The following ADGB variants were observed in gnomAD, a reference collection of about 807,000 sequenced individuals.
The protein encoded by ADGB is androglobin.
ADGB carries 172 observed loss-of-function variants against 210.5 expected under a neutral mutation model. The ratio of observed to expected loss-of-function variants is 0.82; its 90% CI spans 0.72 to 0.93. ADGB has a LOEUF of 0.93. Ranked by LOEUF, ADGB falls within the 40% of genes least tolerant of loss-of-function variation. The pLI is 0.00. For missense variants in ADGB, 2,025 were observed against 1,964.8 expected (o/e 1.03, Z -0.58); for synonymous variants, 658 against 662.7 (o/e 0.99, Z 0.11).
chr6:146,813,702 A>G (rs1778336970), intron 35 of ADGB, among the ~76,000 whole-genome samples: 1 of 152,326 alleles, frequency 6.6e-6, no homozygotes, highest in East Asian at 1.9e-4. Flanking sequence ...TCAATTTACC[A>G]TGTGGGAAAT....
intron 29 of ADGB, among the ~76,000 whole-genome samples, chr6:146,778,582 C>T (rs1174349397): frequency 6.6e-6 from 1 of 152,078 alleles, no homozygotes; most frequent in Non-Finnish European, 1.5e-5. Context: ...ATTTAAACAA[C>T]CTTATTCTCT....
At chr6:146,783,822 C>T (rs113840017) in intron 30 of ADGB, among the ~76,000 whole-genome samples, 1 of 152,236 alleles carries the variant, frequency 6.6e-6, no homozygotes, top group African/African-American at 2.4e-5. Flanking sequence ...TGAGCCTCAC[C>T]TACGTAAAAC....
At chr6:146,734,131 AT>A in intron 22 of ADGB, 101 bp downstream of exon 22, 1 of 1,143,706 alleles carries the variant, frequency 8.7e-7, no homozygotes, top group South Asian at 1.6e-5. Context: ...TTTATGGCTA[AT>A]TAATTTCAGT....
At chr6:146,807,454 G>A in intron 35 of ADGB, 5 of 1,551,644 alleles carry the variant, frequency 3.2e-6, no homozygotes, top group Non-Finnish European at 4.4e-6. Context: ...GAAGAGTACA[G>A]AAACAAATTG....
intron 4 of ADGB, among the ~76,000 whole-genome samples, chr6:146,656,212 T>C (rs1414129280): frequency 1.3e-5 from 2 of 152,214 alleles, no homozygotes; most frequent in Non-Finnish European, 2.9e-5. Context: ...TTGCTGCCTG[T>C]TAAAAACACT....
intron 13 of ADGB, among the ~76,000 whole-genome samples, chr6:146,704,105 G>T (rs1776533611): frequency 2.0e-5 from 3 of 151,888 alleles, no homozygotes; most frequent in Admixed American, 2.0e-4. Context: ...CCATTTGTAT[G>T]TCTTCTCCTG....
chr6:146,747,255 T>G (rs527607795), intron 26 of ADGB, among the ~76,000 whole-genome samples: 1 of 152,298 alleles, frequency 6.6e-6, no homozygotes, highest in African/African-American at 2.4e-5. Context: ...CACAGAAAAT[T>G]TGGAAAATAT....
chr6:146,807,930 G>C (rs1778236834), intron 35 of ADGB: 1 of 152,298 alleles, frequency 6.6e-6, no homozygotes, highest in South Asian at 2.1e-4. Flanking sequence ...AGTGGCTTTT[G>C]TTCTTAGAAG....
At chr6:146,786,361 A>G (rs984314960) in intron 32 of ADGB, among the ~76,000 whole-genome samples, 1 of 151,854 alleles carries the variant, frequency 6.6e-6, no homozygotes, top group East Asian at 1.9e-4. Flanking sequence ...GACTGATTAC[A>G]TCGATTGCCA....
At chr6:146,694,643 A>G (rs1776379848) in intron 12 of ADGB, among the ~76,000 whole-genome samples, 1 of 152,126 alleles carries the variant, frequency 6.6e-6, no homozygotes, top group Admixed American at 6.6e-5. Flanking sequence ...TAATATATAA[A>G]ACTCCTAAAA....
At chr6:146,646,079 G>C (rs115309516) in intron 3 of ADGB, among the ~76,000 whole-genome samples, 1 of 152,060 alleles carries the variant, frequency 6.6e-6, no homozygotes, top group Admixed American at 6.6e-5. Flanking sequence ...TCCACAAGAT[G>C]ATGATGTTGT....
chr6:146,686,323 C>A (rs1347248210), intron 10 of ADGB, among the ~76,000 whole-genome samples: 1 of 151,888 alleles, frequency 6.6e-6, no homozygotes. Context: ...ATACATTTAA[C>A]AAATTGTAGA....
rs966358725 is a variant in ADGB, at chr6:146,734,123, T to C, written c.2794+93T>C. ...GAAAGTATTTTGGAGTCCCCCACTTTATGGCTAATTAATTTCAGTCCTCTA... is the reference window on the plus strand; with the variant it reads ...GAAAGTATTTTGGAGTCCCCCACTTCATGGCTAATTAATTTCAGTCCTCTA... On this transcript the variant is annotated intron_variant, in intron 22 of 35. Transcript: ENST00000397944. The C allele has an allele frequency of 5.0e-6, 6 of 1,205,648 alleles. No individual in the cohort carries two copies. The East Asian group carries it at 7.7e-5, about 15-fold the overall frequency. 74.7% of individuals were successfully genotyped at this position (1,205,648 alleles called of 1,614,324 possible). A position where few individuals can be genotyped will look rare whatever the true frequency, so the allele number is the denominator to read the frequency against.
intron 27 of ADGB, among the ~76,000 whole-genome samples, chr6:146,753,996 T>G (rs939251771): frequency 2.6e-5 from 4 of 151,494 alleles, no homozygotes; most frequent in African/African-American, 9.7e-5. Context: ...TTTTAAAAAA[T>G]TTATTATATT....
At chr6:146,694,847 G>C (rs1483795912) in intron 12 of ADGB, among the ~76,000 whole-genome samples, 2 of 152,062 alleles carry the variant, frequency 1.3e-5, no homozygotes, top group Non-Finnish European at 2.9e-5. Flanking sequence ...TCTTATTAAA[G>C]CTACTATGAA....
intron 26 of ADGB, among the ~76,000 whole-genome samples, chr6:146,750,247 G>C (rs1251790166): frequency 6.6e-6 from 1 of 152,094 alleles, no homozygotes; most frequent in African/African-American, 2.4e-5. Flanking sequence ...GAGGAATAAA[G>C]AGTGGGGTTT....
At chr6:146,771,107 G>A (rs1327863399) in intron 29 of ADGB, among the ~76,000 whole-genome samples, 2 of 152,000 alleles carry the variant, frequency 1.3e-5, no homozygotes, top group Non-Finnish European at 2.9e-5. Context: ...TGCAGGCCAC[G>A]TCTCAAGCCG....
chr6:146,637,833 TACTGAA>T (rs1340558727), intron 2 of ADGB, among the ~76,000 whole-genome samples: 1 of 152,040 alleles, frequency 6.6e-6, no homozygotes, highest in East Asian at 1.9e-4. Flanking sequence ...CTACCATTCT[TACTGAA>T]ACTATTCCAA....
chr6:146,784,748 C>G lies in ADGB; in HGVS notation c.4166C>G (p.Ala1389Gly). ...ACAGAAAGGGCAGATGAAATCCGAG[C>G]CATGAAACAAGCCTGGGAGACAACT... ...KDTERADEIRAMKQAWETTEP... is the reference protein window; with the variant it reads ...KDTERADEIRGMKQAWETTEP... The change falls in exon 31 of 36, where the codon GCC (alanine) becomes GGC (glycine). Residue 1389 changes from alanine (A) to glycine (G), a missense_variant. Physicochemically the swap from Ala to Gly is moderately conservative, Grantham distance 60 (BLOSUM62 0). Transcript: ENST00000397944. 2.6e-6 allele frequency: 4 copies of G among 1,550,820 alleles called. No individual in the cohort carries two copies. The highest frequency in any genetic ancestry group is 3.5e-6 in the Non-Finnish European group (4 of 1,146,564).
Sources: gnomAD v4.1 joint callset for allele counts (sites outside exome capture counted in the v4.1 genomes callset) on GRCh38, gnomAD v4.1.1 for gene constraint, MANE v1.5 for transcripts, NCBI Gene and HGNC (gene_info 2026-07-23, HGNC 2026-07-21) for gene names.